The following TMEM132C variants were observed in gnomAD, a reference collection of about 807,000 sequenced individuals.
TMEM132C encodes the protein transmembrane protein 132C.
A neutral mutation model predicts 61.4 loss-of-function variants in TMEM132C; 29 were observed. That is an observed-to-expected ratio of 0.47 (90% CI 0.35 to 0.64). The LOEUF is 0.64. TMEM132C is among the 30% of genes least tolerant of loss of function. The pLI, the probability that TMEM132C is intolerant of heterozygous loss-of-function variation, is 0.00. For missense variants in TMEM132C, 1,408 were observed against 1,476.9 expected (o/e 0.95, Z 0.76); for synonymous variants, 656 against 633.1 (o/e 1.04, Z -0.54).
At chr12:128,580,118 C>T (rs1296965025) in intron 3 of TMEM132C, among the ~76,000 whole-genome samples, 1 of 152,110 alleles carries the variant, frequency 6.6e-6, no homozygotes, top group Non-Finnish European at 1.5e-5. Flanking sequence ...CTCAGTTCCC[C>T]CATCTGTAAA....
intron 4 of TMEM132C, among the ~76,000 whole-genome samples, chr12:128,645,328 C>T (rs995827701): frequency 7.9e-5 from 12 of 152,192 alleles, no homozygotes; most frequent in Non-Finnish European, 1.6e-4. Context: ...TCTTGACTGG[C>T]GATGCAAGGA....
At chr12:128,360,390 CAGGGAAGCCATGA>C (rs748100695) in intron 1 of TMEM132C, among the ~76,000 whole-genome samples, 21 of 152,128 alleles carry the variant, frequency 1.4e-4, no homozygotes, top group Non-Finnish European at 3.1e-4. Context: ...TTGCAATCCA[CAGGGAAGCCATGA>C]GTCACATGTG....
chr12:128,338,988 A>G (rs1487962608), intron 1 of TMEM132C, among the ~76,000 whole-genome samples: 1 of 152,022 alleles, frequency 6.6e-6, no homozygotes, highest in African/African-American at 2.4e-5. Flanking sequence ...TAACTTAAGC[A>G]TTTAAGGTTC....
At chr12:128,345,058 C>T (rs1347774113) in intron 1 of TMEM132C, among the ~76,000 whole-genome samples, 1 of 151,882 alleles carries the variant, frequency 6.6e-6, no homozygotes, top group South Asian at 2.1e-4. Flanking sequence ...CCTCTCCCTC[C>T]TCCCCGCCCA....
At chr12:128,268,117 G>A (rs1226060706) in intron 1 of TMEM132C, among the ~76,000 whole-genome samples, 1 of 152,182 alleles carries the variant, frequency 6.6e-6, no homozygotes, top group Non-Finnish European at 1.5e-5. Context: ...CCTTTGCGGT[G>A]GGGGAGCGCG....
At chr12:128,276,134 A>G (rs897845599) in intron 1 of TMEM132C, among the ~76,000 whole-genome samples, 1 of 152,250 alleles carries the variant, frequency 6.6e-6, no homozygotes, top group Non-Finnish European at 1.5e-5. Context: ...AAGCAAGGAC[A>G]TATTCACAGG....
chr12:128,408,546 C>A (rs1868397867), intron 1 of TMEM132C, among the ~76,000 whole-genome samples: 1 of 152,138 alleles, frequency 6.6e-6, no homozygotes, highest in African/African-American at 2.4e-5. Context: ...ATAAAAGCAT[C>A]AGATGTGGCT....
intron 2 of TMEM132C, among the ~76,000 whole-genome samples, chr12:128,457,187 T>A (rs1251419099): frequency 1.3e-5 from 2 of 152,020 alleles, no homozygotes; most frequent in South Asian, 4.2e-4. Context: ...TATTTTTCAC[T>A]TTTTTTAGGA....
At chr12:128,439,645 GC>G (rs1408768564) in intron 2 of TMEM132C, among the ~76,000 whole-genome samples, 1 of 152,096 alleles carries the variant, frequency 6.6e-6, no homozygotes, top group Non-Finnish European at 1.5e-5. Flanking sequence ...CAATGATTCA[GC>G]TGCCAGCTTT....
chr12:128,471,026 A>G lies in TMEM132C; in HGVS notation c.974+55406A>G, dbSNP rs147008000. The stretch of plus-strand genomic sequence containing the variant: ...ATCAGGGTTTCTCAACCTTGGCACT[A>G]CTGGTATTTTGAATCAAATGACTCT... On this transcript the variant is annotated intron_variant, in intron 2 of 8. Coordinates refer to ENST00000435159, the MANE Select transcript of TMEM132C (RefSeq NM_001136103.3). 8.9e-3 allele frequency among the ~76,000 whole-genome samples: 1,348 copies of G among 152,270 alleles called. 10 individuals are homozygous for G. Among genetic ancestry groups the G allele is most frequent in the Non-Finnish European group, 0.014 (922 of 68,010 alleles).
chr12:128,559,509 C>T (rs1355888753), intron 3 of TMEM132C, among the ~76,000 whole-genome samples: 1 of 152,162 alleles, frequency 6.6e-6, no homozygotes, highest in Non-Finnish European at 1.5e-5. Context: ...TGGGCATTTA[C>T]ACATTGCATA....
At chr12:128,448,114 T>G (rs1352185741) in intron 2 of TMEM132C, among the ~76,000 whole-genome samples, 1 of 152,174 alleles carries the variant, frequency 6.6e-6, no homozygotes, top group Non-Finnish European at 1.5e-5. Context: ...AAGACAATTT[T>G]TTTTGTTGTT....
chr12:128,285,188 G>A (rs1330316409), intron 1 of TMEM132C, among the ~76,000 whole-genome samples: 1 of 152,114 alleles, frequency 6.6e-6, no homozygotes, highest in African/African-American at 2.4e-5. Flanking sequence ...TGACTATGAT[G>A]AACAACAATT....
intron 1 of TMEM132C, among the ~76,000 whole-genome samples, chr12:128,284,348 A>G (rs1870991657): frequency 1.3e-5 from 2 of 152,186 alleles, no homozygotes; most frequent in Non-Finnish European, 2.9e-5. Context: ...ACTTACTCTT[A>G]TGGTAACCTC....
At chr12:128,536,250 A>G (rs1267281530) in intron 2 of TMEM132C, among the ~76,000 whole-genome samples, 1 of 152,200 alleles carries the variant, frequency 6.6e-6, no homozygotes, top group Non-Finnish European at 1.5e-5. Flanking sequence ...AGGGACATAG[A>G]TGATGCTGGA....
intron 3 of TMEM132C, among the ~76,000 whole-genome samples, chr12:128,586,816 G>A (rs1041402314): frequency 6.6e-6 from 1 of 152,212 alleles, no homozygotes; most frequent in African/African-American, 2.4e-5. Context: ...GGGGAGCACT[G>A]TGCTCAGACT....
At chr12:128,704,405 C>G (rs1023547614) in intron 8 of TMEM132C, among the ~76,000 whole-genome samples, 1 of 152,180 alleles carries the variant, frequency 6.6e-6, no homozygotes, top group African/African-American at 2.4e-5. Flanking sequence ...AAGGGCAGCA[C>G]AATTGAACCG....
At chr12:128,356,828 G>A (rs1379588871) in intron 1 of TMEM132C, among the ~76,000 whole-genome samples, 1 of 152,172 alleles carries the variant, frequency 6.6e-6, no homozygotes, top group African/African-American at 2.4e-5. Flanking sequence ...TCAGTTATGG[G>A]GGCAGGACTT....
chr12:128,404,899 G>A (rs752923627), intron 1 of TMEM132C: 2 of 137,034 alleles, frequency 1.5e-5, no homozygotes, highest in Non-Finnish European at 3.3e-5. Flanking sequence ...AACCGGTGGA[G>A]GACACAATAT....
Sources: allele counts gnomAD v4.1 joint callset (sites outside exome capture counted in the v4.1 genomes callset), GRCh38; gene constraint gnomAD v4.1.1; transcripts MANE v1.5; gene names NCBI Gene and HGNC (gene_info 2026-07-23, HGNC 2026-07-21).